Variants in NEMP1 observed in about 807,000 individuals in gnomAD.
NEMP1 encodes the protein transmembrane protein 194.
A neutral mutation model predicts 53.7 loss-of-function variants in NEMP1; 29 were observed. That is an observed-to-expected ratio of 0.54 (90% CI 0.40 to 0.74). The LOEUF (loss-of-function observed/expected upper bound fraction) is 0.74, where lower values mean the gene tolerates loss of function less well. Among genes scored for constraint, NEMP1 ranks in the 30% least tolerant of loss-of-function variants. The pLI is 0.00. For missense variants in NEMP1, 477 were observed against 528.6 expected, an observed-to-expected ratio of 0.90 and a Z score of 0.96; for synonymous variants, 193 against 192.9, an observed-to-expected ratio of 1.00 and a Z score of 0.00.
upstream of NEMP1, among the ~76,000 whole-genome samples, chr12:57,082,645 G>A (rs371526612): frequency 1.2e-4 from 18 of 152,292 alleles, no homozygotes; most frequent in African/African-American, 4.1e-4. Flanking sequence ...CTGGGAGGTT[G>A]AGCCTGCAGT....
intron 3 of NEMP1, 60 bp downstream of exon 3, chr12:57,070,614 C>T (rs2032299811): frequency 3.6e-6 from 5 of 1,405,628 alleles, no homozygotes; most frequent in Non-Finnish European, 3.9e-6. Flanking sequence ...CTAATTATAC[C>T]CTTCAGAACT....
At position 57,056,723 on chromosome 12, in the gene NEMP1, T is replaced by C. The variant is rs535379275; in HGVS notation, c.*3156A>G. 6 of 152,188 alleles carry C rather than the reference T, an allele frequency of 3.9e-5. No individual in the cohort carries two copies. The highest frequency in any genetic ancestry group is 2.1e-4 in the South Asian group (1 of 4,832). The allele number at this position is 152,188 out of a possible 1,614,324, so 9.4% of individuals were successfully genotyped here. On this transcript the variant is annotated 3_prime_UTR_variant, in exon 9 of 9. Coordinates refer to ENST00000300128, the MANE Select transcript of NEMP1 (RefSeq NM_001130963.2). ...GACTAAGGACAATTACATAATGCAT[T>C]CCCAAGCCTTTTATGGATATCAGGG...
At chr12:57,078,416 C>T (rs988240764) in intron 1 of NEMP1, among the ~76,000 whole-genome samples, 2 of 152,152 alleles carry the variant, frequency 1.3e-5, no homozygotes, top group Non-Finnish European at 2.9e-5. Context: ...ACTCTGGAAG[C>T]TGCCCCAGCC....
At chr12:57,065,393 A>G (rs1267429429) in intron 4 of NEMP1, among the ~76,000 whole-genome samples, 1 of 152,136 alleles carries the variant, frequency 6.6e-6, no homozygotes, top group African/African-American at 2.4e-5. Flanking sequence ...CCTCAATGGC[A>G]TCTTCTTCTA....
intron 1 of NEMP1, among the ~76,000 whole-genome samples, chr12:57,084,428 C>A (rs1490692182): frequency 3.3e-5 from 5 of 152,118 alleles, no homozygotes; most frequent in Admixed American, 6.6e-5. Context: ...AACCCTCATT[C>A]TCTCCTCTCA....
intron 8 of NEMP1, 95 bp from the exon 9 acceptor site, chr12:57,060,154 G>A (rs902108633): frequency 3.5e-6 from 4 of 1,137,750 alleles, no homozygotes; most frequent in Admixed American, 2.4e-5. Flanking sequence ...CGATATGCTC[G>A]CAACTCAAAT....
chr12:57,078,065 A>G (rs1159782984), intron 1 of NEMP1, among the ~76,000 whole-genome samples: 9 of 152,248 alleles, frequency 5.9e-5, no homozygotes, highest in Non-Finnish European at 1.3e-4. Flanking sequence ...TGAGTGACAG[A>G]GCTAGACTCC....
At chr12:57,079,529 T>C (rs2032780454), upstream of NEMP1, among the ~76,000 whole-genome samples, 1 of 152,144 alleles carries the variant, frequency 6.6e-6, no homozygotes, top group Admixed American at 6.5e-5. Flanking sequence ...CCAACCTAAA[T>C]CCTACTGACT....
chr12:57,084,402 C>A (rs561271805), intron 1 of NEMP1, among the ~76,000 whole-genome samples: 2 of 152,300 alleles, frequency 1.3e-5, no homozygotes, highest in East Asian at 3.9e-4. Flanking sequence ...AAGCTAGGAG[C>A]CTGAGAGTCA....
At chr12:57,073,495 T>C (rs1020397976) in intron 1 of NEMP1, among the ~76,000 whole-genome samples, 2 of 151,654 alleles carry the variant, frequency 1.3e-5, no homozygotes, top group African/African-American at 2.4e-5. Context: ...TACAAAAACA[T>C]TAGCCAGGCG....
intron 4 of NEMP1, among the ~76,000 whole-genome samples, chr12:57,068,499 T>TA: frequency 6.6e-6 from 1 of 152,200 alleles, no homozygotes; most frequent in South Asian, 2.1e-4. Flanking sequence ...CACAGGCACA[T>TA]ACCACCACGT....
At chr12:57,063,757 C>T (rs182355659) in intron 6 of NEMP1, among the ~76,000 whole-genome samples, 10 of 152,104 alleles carry the variant, frequency 6.6e-5, no homozygotes, top group Non-Finnish European at 8.8e-5. Context: ...ACTTAAGGTC[C>T]CCAAGTATAT....
At chr12:57,060,737 C>T (rs375583163) in intron 8 of NEMP1, 35 bp downstream of exon 8, 18 of 1,591,606 alleles carry the variant, frequency 1.1e-5, no homozygotes, top group Non-Finnish European at 1.5e-5. Flanking sequence ...TCACAATTAC[C>T]CTGATAGATG....
intron 6 of NEMP1, among the ~76,000 whole-genome samples, chr12:57,063,782 C>T (rs1315424291): frequency 3.3e-5 from 5 of 152,114 alleles, no homozygotes; most frequent in Admixed American, 3.3e-4. Flanking sequence ...AATATGATTC[C>T]ATTAATAAAG....
intron 7 of NEMP1, 92 bp from the exon 8 acceptor site, chr12:57,061,037 A>G: frequency 1.5e-6 from 2 of 1,316,026 alleles, no homozygotes; most frequent in Non-Finnish European, 2.1e-6. Context: ...AGAATACAGC[A>G]GACAGCCTGA....
upstream of NEMP1, among the ~76,000 whole-genome samples, chr12:57,079,339 T>C (rs976999515): frequency 1.3e-5 from 2 of 152,268 alleles, no homozygotes; most frequent in Non-Finnish European, 2.9e-5. Context: ...CATTAGCTTT[T>C]AAAAATGTAT....
At chr12:57,073,012 G>T in intron 1 of NEMP1, 100 bp from the exon 2 acceptor site, 1 of 1,102,932 alleles carries the variant, frequency 9.1e-7, no homozygotes, top group Non-Finnish European at 1.2e-6. Context: ...TAAACTTTGG[G>T]TTAAAACATT....
In NEMP1 at chr12:57,056,815, G is replaced by C. The variant is rs2031545972; in HGVS notation, c.*3064C>G. The C allele has an allele frequency of 6.6e-6, 1 of 152,180 alleles. No individual in the cohort carries two copies. Among genetic ancestry groups the C allele is most frequent in the African/African-American group, 2.4e-5 (1 of 41,428 alleles). 9.4% of individuals were successfully genotyped at this position (152,180 alleles called of 1,614,324 possible). On this transcript the variant is annotated 3_prime_UTR_variant, in exon 9 of 9. Coordinates refer to ENST00000300128, the MANE Select transcript of NEMP1 (RefSeq NM_001130963.2). The stretch of plus-strand genomic sequence containing the variant: ...CAAAATTCTATTATACATGCCAAGG[G>C]TTAAAGGGAACACCATCAGTCAAGA...
chr12:57,059,279 G>C lies in NEMP1; in HGVS notation c.*600C>G, dbSNP rs907382986. 1 of 152,190 alleles carries C rather than the reference G, an allele frequency of 6.6e-6. No individual in the cohort carries two copies. The highest frequency in any genetic ancestry group is 6.5e-5 in the Admixed American group (1 of 15,274). 9.4% of individuals were successfully genotyped at this position (152,190 alleles called of 1,614,324 possible). A position where few individuals can be genotyped will look rare whatever the true frequency, so the allele number is the denominator to read the frequency against. Reference sequence around the variant, plus strand: ...TATTAATAAATATGTAGGGGCCTAGGGGGTGTGTCACTCTGGAGCACTTGC... The same window carrying C: ...TATTAATAAATATGTAGGGGCCTAGCGGGTGTGTCACTCTGGAGCACTTGC... On this transcript the variant is annotated 3_prime_UTR_variant, in exon 9 of 9. Transcript: ENST00000300128.
Sources: allele counts gnomAD v4.1 joint callset (sites outside exome capture counted in the v4.1 genomes callset), GRCh38; gene constraint gnomAD v4.1.1; transcripts MANE v1.5; gene names NCBI Gene and HGNC (gene_info 2026-07-23, HGNC 2026-07-21).